The following SETBP1 variants were observed in gnomAD, a reference collection of about 807,000 sequenced individuals.
The protein encoded by SETBP1 is SET-binding protein.
In SETBP1, 9 loss-of-function variants were observed where a neutral mutation model predicts 101.0. That is an observed-to-expected ratio of 0.09 (90% CI 0.05 to 0.16). The LOEUF is 0.16. Among genes scored for constraint, SETBP1 ranks in the 10% least tolerant of loss-of-function variants. The pLI, the probability that SETBP1 is intolerant of heterozygous loss-of-function variation, is 1.00. For synonymous variants in SETBP1, 818 were observed against 788.5 expected (o/e 1.04, Z -0.63); for missense variants, 1,858 against 2,033.8 (o/e 0.91, Z 1.66).
intron 2 of SETBP1, among the ~76,000 whole-genome samples, chr18:44,834,336 A>G (rs2072445491): frequency 6.6e-6 from 1 of 152,206 alleles, no homozygotes; most frequent in Non-Finnish European, 1.5e-5. Flanking sequence ...GGGAATGACA[A>G]TACAGTGAAT....
chr18:44,820,093 C>A (rs1426469603), intron 2 of SETBP1, among the ~76,000 whole-genome samples: 1 of 152,222 alleles, frequency 6.6e-6, no homozygotes, highest in Non-Finnish European at 1.5e-5. Flanking sequence ...CGCTTGCTGG[C>A]AGCCCTTTCT....
chr18:45,023,691 A>ACCCT (rs1423199560), intron 4 of SETBP1, among the ~76,000 whole-genome samples: 1 of 152,144 alleles, frequency 6.6e-6, no homozygotes, highest in Non-Finnish European at 1.5e-5. Context: ...CCAAATTGCA[A>ACCCT]CCCTCCAGTC....
chr18:44,743,691 A>AT (rs2070151994), intron 2 of SETBP1, among the ~76,000 whole-genome samples: 1 of 152,194 alleles, frequency 6.6e-6, no homozygotes, highest in Non-Finnish European at 1.5e-5. Flanking sequence ...ACTAGCCCCC[A>AT]TTTAACCTAC....
chr18:44,962,216 C>G (rs1488882360), intron 4 of SETBP1, among the ~76,000 whole-genome samples: 2 of 152,176 alleles, frequency 1.3e-5, no homozygotes, highest in African/African-American at 2.4e-5. Context: ...TAACAGTGTT[C>G]AGTGAAAGAC....
intron 2 of SETBP1, among the ~76,000 whole-genome samples, chr18:44,809,645 T>C (rs1486556351): frequency 2.0e-5 from 3 of 152,184 alleles, no homozygotes; most frequent in Non-Finnish European, 2.9e-5. Context: ...GATGATGTTG[T>C]TCTTTTAATA....
chr18:44,781,205 A>C (rs182001575), intron 2 of SETBP1, among the ~76,000 whole-genome samples: 2 of 152,282 alleles, frequency 1.3e-5, no homozygotes, highest in African/African-American at 4.8e-5. Context: ...TGAAGAATTT[A>C]AGCGAGGGAA....
intron 3 of SETBP1, among the ~76,000 whole-genome samples, chr18:44,886,665 C>T (rs2069654548): frequency 6.6e-6 from 1 of 151,726 alleles, no homozygotes; most frequent in South Asian, 2.1e-4. Context: ...AACATGAGCA[C>T]CTATCAGAAA....
At chr18:44,981,310 TAC>T (rs2145235847) in intron 4 of SETBP1, among the ~76,000 whole-genome samples, 1 of 152,314 alleles carries the variant, frequency 6.6e-6, no homozygotes, top group South Asian at 2.1e-4. Context: ...TGAGCCAAGC[TAC>T]AGAGCCAGTT....
chr18:44,890,007 A>T (rs2069732418), intron 3 of SETBP1, among the ~76,000 whole-genome samples: 1 of 152,160 alleles, frequency 6.6e-6, no homozygotes, highest in East Asian at 1.9e-4. Flanking sequence ...TGATGTTTTG[A>T]TATATGCATC....
chr18:44,960,255 G>A (rs2071583699), intron 4 of SETBP1, among the ~76,000 whole-genome samples: 1 of 152,146 alleles, frequency 6.6e-6, no homozygotes, highest in African/African-American at 2.4e-5. Context: ...CAGATAAAGT[G>A]AGGAAAGAAT....
chr18:44,907,888 A>T (rs2070212578), intron 3 of SETBP1, among the ~76,000 whole-genome samples: 1 of 152,088 alleles, frequency 6.6e-6, no homozygotes, highest in African/African-American at 2.4e-5. Context: ...CTTTGGTGTC[A>T]TATCTGGGGA....
At chr18:44,847,919 A>G (rs2072756112) in intron 2 of SETBP1, among the ~76,000 whole-genome samples, 1 of 152,170 alleles carries the variant, frequency 6.6e-6, no homozygotes, top group Non-Finnish European at 1.5e-5. Context: ...CAGGCATCCC[A>G]GGAAAGAGCA....
chr18:44,730,127 G>A (rs191465686), intron 2 of SETBP1, among the ~76,000 whole-genome samples: 2 of 152,332 alleles, frequency 1.3e-5, no homozygotes, highest in African/African-American at 2.4e-5. Flanking sequence ...TATATGGGTA[G>A]CACTAAATTC....
intron 2 of SETBP1, among the ~76,000 whole-genome samples, chr18:44,815,198 A>G (rs1324450418): frequency 1.3e-5 from 2 of 152,238 alleles, no homozygotes; most frequent in Admixed American, 6.5e-5. Context: ...GGAGTAATAG[A>G]GGAAAGTATT....
rs569852536 is a variant in SETBP1 at position 44,772,537 on chromosome 18, G to A, written c.486+70705G>A. 2.3e-4 allele frequency among the ~76,000 whole-genome samples: 35 copies of A among 152,154 alleles called. 1 individual carries two copies. The highest frequency in any genetic ancestry group is 6.0e-4 in the African/African-American group (25 of 41,514). On this transcript the variant is annotated intron_variant, in intron 2 of 5. Transcript: ENST00000649279. ...CTCTGAGGCTTCTTCAGATCCTGGG[G>A]GTATTTTCATAAGAGCGTAACCCCA...
At chr18:44,891,642 G>A (rs1459182307) in intron 3 of SETBP1, among the ~76,000 whole-genome samples, 1 of 151,200 alleles carries the variant, frequency 6.6e-6, no homozygotes, top group Non-Finnish European at 1.5e-5. Context: ...TTCTATTCCT[G>A]AAAAAAAAAT....
At chr18:44,716,948 G>A (rs1206551932) in intron 2 of SETBP1, among the ~76,000 whole-genome samples, 1 of 152,196 alleles carries the variant, frequency 6.6e-6, no homozygotes, top group East Asian at 1.9e-4. Flanking sequence ...AACAACAGCT[G>A]CCATTTTGCT....
At chr18:44,843,272 T>C (rs953811954) in intron 2 of SETBP1, among the ~76,000 whole-genome samples, 1 of 152,190 alleles carries the variant, frequency 6.6e-6, no homozygotes, top group Non-Finnish European at 1.5e-5. Context: ...CCCACAGACA[T>C]CTCTCCTTTG....
At chr18:44,747,303 A>G (rs912732477) in intron 2 of SETBP1, among the ~76,000 whole-genome samples, 6 of 152,242 alleles carry the variant, frequency 3.9e-5, no homozygotes, top group African/African-American at 1.2e-4. Flanking sequence ...TAGAACAACT[A>G]TAGGCTCACA....
Sources: gnomAD v4.1 joint callset for allele counts (sites outside exome capture counted in the v4.1 genomes callset) on GRCh38, gnomAD v4.1.1 for gene constraint, MANE v1.5 for transcripts, NCBI Gene and HGNC (gene_info 2026-07-23, HGNC 2026-07-21) for gene names.